CPNE4: variants seen among roughly 807,000 people sequenced by gnomAD.
CPNE4 encodes copine-4.
In CPNE4, 25 loss-of-function variants were observed where a neutral mutation model predicts 67.9. That is an observed-to-expected ratio of 0.37 (90% CI 0.27 to 0.51). The LOEUF (loss-of-function observed/expected upper bound fraction) is 0.51. Among genes scored for constraint, CPNE4 ranks in the 20% least tolerant of loss-of-function variants. The probability of loss-of-function intolerance (pLI) is 0.93; values close to 1 mark genes in which losing one functional copy is unlikely to be tolerated. For synonymous variants in CPNE4, 242 were observed against 244.9 expected (o/e 0.99, Z 0.11); for missense variants, 464 against 690.8 (o/e 0.67, Z 3.68).
intron 7 of CPNE4, among the ~76,000 whole-genome samples, chr3:131,619,031 C>T (rs766614965): frequency 1.8e-4 from 27 of 152,006 alleles, no homozygotes; most frequent in Non-Finnish European, 3.5e-4. Context: ...AGTTGTTGCC[C>T]ATAGAGTAGG....
intron 5 of CPNE4, among the ~76,000 whole-genome samples, chr3:131,694,962 T>G (rs4854830): frequency 0.63 from 95,915 of 152,096 alleles, 30,720 homozygotes; most frequent in Middle Eastern, 0.72. Flanking sequence ...CAGAATAGAT[T>G]GTTTACCATG....
chr3:131,589,713 C>T (rs1292137835), intron 7 of CPNE4, among the ~76,000 whole-genome samples: 1 of 152,208 alleles, frequency 6.6e-6, no homozygotes, highest in Non-Finnish European at 1.5e-5. Flanking sequence ...TTTAAGACAT[C>T]AAGAAAAACT....
intron 6 of CPNE4, among the ~76,000 whole-genome samples, chr3:131,675,781 G>C (rs1285455037): frequency 5.3e-5 from 8 of 151,636 alleles, no homozygotes; most frequent in Non-Finnish European, 1.0e-4. Flanking sequence ...TTATTGGAGT[G>C]TTTAGTCCCA....
rs1936089035 is a variant in CPNE4 at position 131,550,092 on chromosome 3, T to C, written c.1169-12A>G. The C allele has an allele frequency of 2.5e-6, 4 of 1,612,522 alleles. No homozygotes were observed. Among genetic ancestry groups the C allele is most frequent in the East Asian group, 2.2e-5 (1 of 44,826 alleles). ...AACTCCTTGAATTCCTGAGGTGAAA[T>C]TGGCAAAGATCAACAGCTCCAGAGT... On this transcript the variant is annotated splice_polypyrimidine_tract_variant and intron_variant, in intron 13 of 15. Coordinates refer to ENST00000429747, the MANE Select transcript of CPNE4 (RefSeq NM_130808.3).
chr3:131,963,146 G>A (rs549154263), intron 1 of CPNE4, among the ~76,000 whole-genome samples: 55 of 152,182 alleles, frequency 3.6e-4, no homozygotes, highest in African/African-American at 1.2e-3. Flanking sequence ...GGAAGTGCAA[G>A]GAGCTGGGGG....
intron 2 of CPNE4, among the ~76,000 whole-genome samples, chr3:131,853,089 A>G (rs1477524202): frequency 6.6e-6 from 1 of 151,836 alleles, no homozygotes; most frequent in Non-Finnish European, 1.5e-5. Context: ...TAACATTTCT[A>G]TAAAAAGTCA....
At chr3:131,887,277 T>C (rs1015214528) in intron 2 of CPNE4, among the ~76,000 whole-genome samples, 3 of 152,328 alleles carry the variant, frequency 2.0e-5, no homozygotes, top group South Asian at 2.1e-4. Flanking sequence ...CCACCATCCA[T>C]GTAAGATGTG....
intron 7 of CPNE4, among the ~76,000 whole-genome samples, chr3:131,632,786 G>C (rs1201606106): frequency 6.6e-6 from 1 of 152,092 alleles, no homozygotes; most frequent in African/African-American, 2.4e-5. Context: ...GGTTTTCTCA[G>C]TCTTGGTACT....
At chr3:131,995,631 G>C (rs1213749710) in intron 1 of CPNE4, among the ~76,000 whole-genome samples, 1 of 152,206 alleles carries the variant, frequency 6.6e-6, no homozygotes, top group East Asian at 1.9e-4. Flanking sequence ...AATGAAGAAA[G>C]CCAGAGGGAA....
intron 1 of CPNE4, among the ~76,000 whole-genome samples, chr3:131,951,832 C>G (rs1053290707): frequency 6.6e-6 from 1 of 152,144 alleles, no homozygotes; most frequent in Admixed American, 6.5e-5. Flanking sequence ...CCCGAGGTGC[C>G]GGGATTGCAG....
intron 1 of CPNE4, among the ~76,000 whole-genome samples, chr3:131,933,022 T>C (rs571394470): frequency 6.6e-6 from 1 of 151,964 alleles, no homozygotes; most frequent in Admixed American, 6.6e-5. Context: ...GAAAAAAGAA[T>C]AGCATGCAAA....
intron 2 of CPNE4, among the ~76,000 whole-genome samples, chr3:131,758,104 C>A (rs1241930229): frequency 6.6e-6 from 1 of 152,202 alleles, no homozygotes; most frequent in Non-Finnish European, 1.5e-5. Context: ...CCTACTGGGG[C>A]ACCACCTAGT....
At chr3:131,571,632 C>T (rs1937342428) in intron 10 of CPNE4, among the ~76,000 whole-genome samples, 1 of 152,014 alleles carries the variant, frequency 6.6e-6, no homozygotes, top group African/African-American at 2.4e-5. Context: ...GCTGCTGCCA[C>T]CCTTGTTTAG....
At chr3:131,557,944 C>T (rs1356961882) in intron 11 of CPNE4, among the ~76,000 whole-genome samples, 2 of 151,922 alleles carry the variant, frequency 1.3e-5, no homozygotes, top group African/African-American at 2.4e-5. Context: ...AGTCTCCACA[C>T]CCTTATTTTC....
intron 1 of CPNE4, among the ~76,000 whole-genome samples, chr3:131,925,148 G>A (rs937836494): frequency 3.2e-5 from 4 of 126,838 alleles, no homozygotes; most frequent in South Asian, 2.7e-4. Context: ...TCTCTCTCTT[G>A]TTCTCATATT....
At chr3:131,948,003 T>C (rs1358677891) in intron 1 of CPNE4, among the ~76,000 whole-genome samples, 2 of 152,218 alleles carry the variant, frequency 1.3e-5, no homozygotes, top group Admixed American at 6.5e-5. Context: ...ATATTAAGTC[T>C]TTCACTCTGT....
intron 7 of CPNE4, among the ~76,000 whole-genome samples, chr3:131,596,340 C>CAAATTTTTTTCAATAATCTGGATG (rs1450575217): frequency 4.1e-5 from 6 of 147,604 alleles, no homozygotes; most frequent in South Asian, 2.2e-4. Context: ...TTAAGTAAAG[C>CAAATTTTTTTCAATAATCTGGATG]GGCCGGGCGC....
At chr3:131,607,589 C>A (rs1205772255) in intron 7 of CPNE4, among the ~76,000 whole-genome samples, 1 of 152,174 alleles carries the variant, frequency 6.6e-6, no homozygotes, top group Non-Finnish European at 1.5e-5. Flanking sequence ...AAGTTTCTAT[C>A]TAAATCCATC....
chr3:131,798,845 A>G (rs538730839), intron 2 of CPNE4, among the ~76,000 whole-genome samples: 7 of 152,308 alleles, frequency 4.6e-5, no homozygotes, highest in African/African-American at 1.7e-4. Flanking sequence ...AATGCCATCC[A>G]TAACTCAAAT....
Sources: gnomAD v4.1 joint callset for allele counts (sites outside exome capture counted in the v4.1 genomes callset) on GRCh38, gnomAD v4.1.1 for gene constraint, MANE v1.5 for transcripts, NCBI Gene and HGNC (gene_info 2026-07-23, HGNC 2026-07-21) for gene names.